SLC14A2: variants seen among roughly 807,000 people sequenced by gnomAD.
SLC14A2 encodes solute carrier family 14 member 2.
Under a neutral mutation model 104.6 loss-of-function variants are expected in SLC14A2, and 91 were observed. That is an observed-to-expected ratio of 0.87 (90% confidence interval 0.73 to 1.04). SLC14A2 has a LOEUF of 1.04. SLC14A2 is among the 50% of genes least tolerant of loss of function. SLC14A2 has a pLI of 0.00. For missense variants in SLC14A2, 1,189 were observed against 1,156.0 expected (o/e 1.03, Z -0.41); for synonymous variants, 476 against 466.4 (o/e 1.02, Z -0.27).
At chr18:45,266,684 G>A (rs1380494534) in intron 1 of SLC14A2, among the ~76,000 whole-genome samples, 2 of 152,112 alleles carry the variant, frequency 1.3e-5, no homozygotes. Flanking sequence ...AGTTCTCTGG[G>A]TGCCAATCAC....
chr18:45,678,183 G>T (rs1432788886), intron 18 of SLC14A2, among the ~76,000 whole-genome samples: 2 of 152,108 alleles, frequency 1.3e-5, no homozygotes, highest in East Asian at 3.9e-4. Context: ...AACAAAAGGG[G>T]CTTCTCCAAC....
chr18:45,670,545 T>C (rs1293178379), intron 16 of SLC14A2, among the ~76,000 whole-genome samples: 1 of 152,214 alleles, frequency 6.6e-6, no homozygotes, highest in Admixed American at 6.5e-5. Flanking sequence ...TCTAAAATAA[T>C]GATGCCTCGT....
intron 2 of SLC14A2, among the ~76,000 whole-genome samples, chr18:45,608,195 G>C (rs145020314): frequency 1.3e-5 from 2 of 152,160 alleles, no homozygotes; most frequent in Non-Finnish European, 2.9e-5. Flanking sequence ...CAGAGAAATC[G>C]GTGCTTTAGA....
chr18:45,338,884 C>G (rs1162172786), intron 1 of SLC14A2, among the ~76,000 whole-genome samples: 1 of 151,762 alleles, frequency 6.6e-6, no homozygotes, highest in African/African-American at 2.4e-5. Flanking sequence ...GGTTCCTAAC[C>G]CCAGGGACAC....
chr18:45,285,758 C>T (rs1245952200), intron 1 of SLC14A2, among the ~76,000 whole-genome samples: 1 of 151,506 alleles, frequency 6.6e-6, no homozygotes, highest in African/African-American at 2.4e-5. Context: ...ACAAAGGGAG[C>T]CATAGTCAGA....
At chr18:45,215,899 A>G (rs530607981) in intron 1 of SLC14A2, among the ~76,000 whole-genome samples, 1 of 152,276 alleles carries the variant, frequency 6.6e-6, no homozygotes, top group African/African-American at 2.4e-5. Flanking sequence ...AATGAGAGGC[A>G]GGGAAGAAAC....
Position 45,389,908 on chromosome 18 carries a change from T to C in SLC14A2, c.-124-93325T>C, listed in dbSNP as rs536943133. 4.6e-5 allele frequency among the ~76,000 whole-genome samples: 7 copies of C among 152,362 alleles called. No homozygotes were observed. The South Asian group carries it at 1.4e-3, about 32-fold the overall frequency. On this transcript the variant is annotated intron_variant, in intron 1 of 20. Coordinates refer to the SLC14A2 transcript ENST00000586448. ...ACTTTAATCTTCGAGAATGTAACTG[T>C]AGCACGTAAAAGTCCCATTGGGATA... is the stretch of plus-strand genomic sequence containing the variant.
At chr18:45,557,394 C>T (rs1353208405) in intron 2 of SLC14A2, among the ~76,000 whole-genome samples, 1 of 152,244 alleles carries the variant, frequency 6.6e-6, no homozygotes, top group African/African-American at 2.4e-5. Context: ...GCCAGGCTGC[C>T]AGGCTCCATT....
At chr18:45,495,665 C>A (rs2043084418) in intron 2 of SLC14A2, among the ~76,000 whole-genome samples, 1 of 152,174 alleles carries the variant, frequency 6.6e-6, no homozygotes, top group Admixed American at 6.5e-5. Context: ...CTTCCCTGGA[C>A]CTCTCTATGA....
intron 1 of SLC14A2, among the ~76,000 whole-genome samples, chr18:45,245,414 T>C (rs996200086): frequency 2.0e-5 from 3 of 152,214 alleles, no homozygotes; most frequent in African/African-American, 7.2e-5. Flanking sequence ...CGCTGTGACC[T>C]TTGTCTTACC....
intron 1 of SLC14A2, among the ~76,000 whole-genome samples, chr18:45,265,288 C>G (rs572176805): frequency 3.3e-4 from 50 of 152,194 alleles, no homozygotes; most frequent in Admixed American, 7.9e-4. Context: ...AGAGCCAAAC[C>G]AAGACCAACG....
At chr18:45,307,125 G>A (rs1218365559) in intron 1 of SLC14A2, among the ~76,000 whole-genome samples, 1 of 152,078 alleles carries the variant, frequency 6.6e-6, no homozygotes, top group East Asian at 1.9e-4. Context: ...ACCTAGAAAA[G>A]ACTAACCTTG....
At chr18:45,669,284 T>C in intron 15 of SLC14A2, 22 bp from the exon 16 acceptor site, 1 of 1,598,936 alleles carries the variant, frequency 6.3e-7, no homozygotes, top group Non-Finnish European at 8.5e-7. Context: ...CTGACCAGCA[T>C]CTCTCATGCT....
chr18:45,241,207 G>C (rs901996576), intron 1 of SLC14A2, among the ~76,000 whole-genome samples: 1 of 152,200 alleles, frequency 6.6e-6, no homozygotes, highest in Admixed American at 6.5e-5. Flanking sequence ...GGTGGTCCTC[G>C]GCCACTGAGT....
chr18:45,414,757 A>AAAAT lies in SLC14A2; in HGVS notation c.-124-68475_-124-68474insAATA, dbSNP rs1360051908. On this transcript the variant is annotated intron_variant, in intron 1 of 20. Transcript: ENST00000586448. ...AGGCACCGAGCGTAAAAAAAAAAAA[A>AAAAT]ATATATATATATATATATATATATA... 2.2e-3 allele frequency among the ~76,000 whole-genome samples: 166 copies of AAAAT among 76,078 alleles called. 2 individuals carry two copies. Among genetic ancestry groups the AAAAT allele is most frequent in the East Asian group, 4.5e-3 (12 of 2,638 alleles). 49.9% of individuals were successfully genotyped at this position (76,078 alleles called of 152,430 possible). A position where few individuals can be genotyped will look rare whatever the true frequency, so the allele number is the denominator to read the frequency against.
upstream of SLC14A2, among the ~76,000 whole-genome samples, chr18:45,209,719 G>A (rs150268261): frequency 1.3e-3 from 200 of 152,064 alleles, 1 homozygote; most frequent in Middle Eastern, 6.8e-3. Flanking sequence ...CCTATTTTTC[G>A]AGATTAAGAA....
chr18:45,319,682 C>T (rs1256090198), intron 1 of SLC14A2, among the ~76,000 whole-genome samples: 2 of 152,184 alleles, frequency 1.3e-5, no homozygotes, highest in South Asian at 2.1e-4. Context: ...ATGTTTTATT[C>T]CAGTAAACAC....
intron 2 of SLC14A2, among the ~76,000 whole-genome samples, chr18:45,483,831 G>A (rs541911951): frequency 3.3e-5 from 5 of 152,246 alleles, no homozygotes; most frequent in African/African-American, 9.6e-5. Flanking sequence ...GCCAGGCATC[G>A]ATTTATTGGT....
At chr18:45,599,343 T>C (rs1172641755) in intron 2 of SLC14A2, among the ~76,000 whole-genome samples, 1 of 152,238 alleles carries the variant, frequency 6.6e-6, no homozygotes, top group Non-Finnish European at 1.5e-5. Flanking sequence ...ATGAGTTGAA[T>C]CACAGCGGAT....
Sources: allele counts gnomAD v4.1 joint callset (sites outside exome capture counted in the v4.1 genomes callset), GRCh38; gene constraint gnomAD v4.1.1; transcripts MANE v1.5; gene names NCBI Gene and HGNC (gene_info 2026-07-23, HGNC 2026-07-21).